The following RIPOR2 variants were observed in gnomAD, a reference collection of about 807,000 sequenced individuals.
RIPOR2 encodes RHO family interacting cell polarization regulator 2, also known as rho family-interacting cell polarization regulator 2.
A neutral mutation model predicts 114.5 loss-of-function variants in RIPOR2; 39 were observed. The observed-to-expected ratio is 0.34, with a 90% CI of 0.26 to 0.44. The LOEUF (loss-of-function observed/expected upper bound fraction) is 0.44. RIPOR2 is among the 20% of genes least tolerant of loss of function. RIPOR2 has a pLI of 1.00. For missense variants in RIPOR2, 1,007 were observed against 1,255.1 expected (o/e 0.80, Z 2.99); for synonymous variants, 445 against 484.4 (o/e 0.92, Z 1.07).
intron 1 of RIPOR2, among the ~76,000 whole-genome samples, chr6:24,941,060 A>G (rs1394711426): frequency 1.3e-5 from 2 of 152,130 alleles, no homozygotes; most frequent in African/African-American, 2.4e-5. Context: ...ACCCTCCCAG[A>G]GCCTTTAGAA....
chr6:25,030,093 TC>T (rs1281275820), intron 1 of RIPOR2, among the ~76,000 whole-genome samples: 1 of 151,928 alleles, frequency 6.6e-6, no homozygotes, highest in Admixed American at 6.6e-5. Flanking sequence ...CTCTCTCCCA[TC>T]CTTGTTCTTC....
At position 24,849,953 on chromosome 6, in the gene RIPOR2, A is replaced by G; in HGVS notation, c.886-3T>C. On this transcript the variant is annotated splice_region_variant and splice_polypyrimidine_tract_variant and intron_variant, in intron 10 of 21. Coordinates refer to ENST00000643898, the MANE Select transcript of RIPOR2 (RefSeq NM_001286445.3). ...GCTAGCCCTTTGAGCTCCGTGACCTAGCAGAGAGAGTGGGAGAGAATAGGC... is the reference window on the plus strand; with the variant it reads ...GCTAGCCCTTTGAGCTCCGTGACCTGGCAGAGAGAGTGGGAGAGAATAGGC... The G allele has an allele frequency of 6.2e-7, 1 of 1,613,176 alleles. No homozygotes were observed. Among genetic ancestry groups the G allele is most frequent in the Non-Finnish European group, 8.5e-7 (1 of 1,179,306 alleles).
Position 24,951,343 on chromosome 6 carries a change from A to G in RIPOR2, c.77-75526T>C, listed in dbSNP as rs189008615. 1.5e-3 allele frequency among the ~76,000 whole-genome samples: 227 copies of G among 152,294 alleles called. 2 individuals are homozygous for G. The highest frequency in any genetic ancestry group is 2.8e-3 in the Non-Finnish European group (193 of 68,020). ...CCAGGTTTTTTGTAAGAGAGGGGCA[A>G]ATAGACATTTTCTCACGTAAATTAA... On this transcript the variant is annotated intron_variant, in intron 1 of 13. Coordinates refer to the RIPOR2 transcript ENST00000510784.
At chr6:24,868,504 TAGTC>T (rs1229839025) in intron 6 of RIPOR2, among the ~76,000 whole-genome samples, 17 of 152,218 alleles carry the variant, frequency 1.1e-4, no homozygotes, top group African/African-American at 2.4e-4. Context: ...AAGGGGGTGA[TAGTC>T]AGCCTCATTG....
intron 1 of RIPOR2, among the ~76,000 whole-genome samples, chr6:25,029,411 G>GAAAAAAAAAAAA (rs71544610): frequency 7.7e-5 from 7 of 90,534 alleles, no homozygotes; most frequent in Admixed American, 1.5e-4. Context: ...TCTCAAAAAA[G>GAAAAAAAAAAAA]AAAAAAAAAA....
At chr6:25,035,128 G>T (rs1394995458) in intron 1 of RIPOR2, among the ~76,000 whole-genome samples, 1 of 152,194 alleles carries the variant, frequency 6.6e-6, no homozygotes, top group Non-Finnish European at 1.5e-5. Context: ...AGAGCTGTTG[G>T]TAAACAAGAT....
At chr6:24,828,901 T>G (rs1268982421) in intron 17 of RIPOR2, among the ~76,000 whole-genome samples, 1 of 152,220 alleles carries the variant, frequency 6.6e-6, no homozygotes, top group Non-Finnish European at 1.5e-5. Context: ...GTTCTTGAAC[T>G]TCATGTAAAT....
intron 1 of RIPOR2, among the ~76,000 whole-genome samples, chr6:24,977,970 A>G (rs373644980): frequency 1.6e-4 from 24 of 152,360 alleles, no homozygotes; most frequent in Admixed American, 6.5e-4. Flanking sequence ...CCAGGTGTTT[A>G]TATTGAAATG....
At chr6:24,921,728 C>G (rs1257974051) in intron 1 of RIPOR2, among the ~76,000 whole-genome samples, 1 of 150,558 alleles carries the variant, frequency 6.6e-6, no homozygotes, top group Non-Finnish European at 1.5e-5. Flanking sequence ...TATAACTTCA[C>G]AAGGCTGGGA....
chr6:24,850,591 C>T lies in RIPOR2; in HGVS notation c.885+6G>A. The T allele has an allele frequency of 1.9e-6, 3 of 1,613,874 alleles. No individual in the cohort carries two copies. Among genetic ancestry groups the T allele is most frequent in the Non-Finnish European group, 2.5e-6 (3 of 1,179,862 alleles). The stretch of plus-strand genomic sequence containing the variant: ...GGAAAGACAACAGGCAATGACAATA[C>T]TGTACCTTGATGGAGATGAACCCAA... On this transcript the variant is annotated splice_donor_region_variant and intron_variant, in intron 10 of 21. Coordinates refer to ENST00000643898, the MANE Select transcript of RIPOR2 (RefSeq NM_001286445.3).
At position 24,812,312 on chromosome 6, in the gene RIPOR2, C is replaced by T. The variant is rs1481194996; in HGVS notation, c.2953-2505G>A. 2.2e-4 allele frequency among the ~76,000 whole-genome samples: 11 copies of T among 48,908 alleles called. 3 individuals carry two copies. The highest frequency in any genetic ancestry group is 8.8e-4 in the Admixed American group (3 of 3,406). The allele number at this position is 48,908 out of a possible 152,430, so 32.1% of individuals were successfully genotyped here. ...GTCCCACCAACAGTGTAAAAGTGTT[C>T]CTATTTCTCCGCATCCTCTCCAGCA... On this transcript the variant is annotated intron_variant, in intron 20 of 21. Coordinates refer to ENST00000643898, the MANE Select transcript of RIPOR2 (RefSeq NM_001286445.3).
chr6:24,820,286 C>T (rs1759567246), intron 19 of RIPOR2, among the ~76,000 whole-genome samples: 1 of 152,210 alleles, frequency 6.6e-6, no homozygotes, highest in African/African-American at 2.4e-5. Context: ...CCGCCTCGGC[C>T]TCCCAGAGTG....
At chr6:24,819,766 G>A (rs1331458226) in intron 19 of RIPOR2, among the ~76,000 whole-genome samples, 1 of 150,124 alleles carries the variant, frequency 6.7e-6, no homozygotes, top group Non-Finnish European at 1.5e-5. Flanking sequence ...CTCCCAAAGT[G>A]TTGGGATTAC....
intron 1 of RIPOR2, among the ~76,000 whole-genome samples, chr6:24,996,757 C>T (rs141202919): frequency 0.016 from 2,425 of 152,326 alleles, 91 homozygotes; most frequent in Admixed American, 0.086. Context: ...ACTTCCTCTG[C>T]GTGACTCAGG....
intron 1 of RIPOR2, among the ~76,000 whole-genome samples, chr6:25,033,578 T>C (rs547313244): frequency 2.0e-5 from 3 of 152,342 alleles, no homozygotes; most frequent in Admixed American, 2.0e-4. Flanking sequence ...TAGATCCTTT[T>C]AGTGGACAGA....
intron 1 of RIPOR2, among the ~76,000 whole-genome samples, chr6:24,962,335 C>A (rs1773344359): frequency 6.6e-6 from 1 of 152,136 alleles, no homozygotes; most frequent in Non-Finnish European, 1.5e-5. Context: ...AAGTAAAAAG[C>A]TATTTTAGGA....
Position 25,005,034 on chromosome 6 carries a change from C to T in RIPOR2, c.76+36817G>A, listed in dbSNP as rs1292272053. 2.7e-5 allele frequency among the ~76,000 whole-genome samples: 4 copies of T among 147,502 alleles called. No individual in the cohort carries two copies. In the Middle Eastern group the frequency reaches 0.011, roughly 395 times the overall value. ...ACACACACACACACACACACACACT[C>T]TGCTGTGTCATCCATTCTATTACCC... On this transcript the variant is annotated intron_variant, in intron 1 of 13. Coordinates refer to the RIPOR2 transcript ENST00000510784.
rs369344721 is a variant in RIPOR2, at chr6:24,842,385, G to A, written c.1857+477C>T. Among the ~76,000 whole-genome samples the A allele has an allele frequency of 1.7e-4, 26 of 152,256 alleles. No individual in the cohort carries two copies. In the South Asian group the frequency reaches 4.6e-3, roughly 27 times the overall value. On this transcript the variant is annotated intron_variant, in intron 13 of 21. Coordinates refer to ENST00000643898, the MANE Select transcript of RIPOR2 (RefSeq NM_001286445.3). ...ATTATTTTGCTGATGATTAATCTGA[G>A]ATTCTGACTTGGTTATTTGGACCAA...
intron 1 of RIPOR2, chr6:25,015,866 A>G (rs1775949896): frequency 6.9e-6 from 1 of 145,378 alleles, no homozygotes; most frequent in Admixed American, 6.9e-5. Context: ...CATGGTTGGA[A>G]AGCCTCCCCT....
Sources: allele counts gnomAD v4.1 joint callset (sites outside exome capture counted in the v4.1 genomes callset), GRCh38; gene constraint gnomAD v4.1.1; transcripts MANE v1.5; gene names NCBI Gene and HGNC (gene_info 2026-07-23, HGNC 2026-07-21).